CPLX1: variants seen among roughly 807,000 people sequenced by gnomAD.
CPLX1 encodes the protein complexin-1.
In CPLX1, 6 loss-of-function variants were observed where a neutral mutation model predicts 15.6. The observed-to-expected ratio is 0.39, with a 90% CI of 0.21 to 0.76. The LOEUF (loss-of-function observed/expected upper bound fraction) is 0.76. CPLX1 is among the 30% of genes least tolerant of loss of function. The pLI, the probability that CPLX1 is intolerant of heterozygous loss-of-function variation, is 0.43. For missense variants in CPLX1, 242 were observed against 188.6 expected (o/e 1.28, Z -1.66); for synonymous variants, 91 against 75.2 (o/e 1.21, Z -1.08).
intron 3 of CPLX1, 37 bp downstream of exon 3, chr4:792,396 G>C (rs767345763): frequency 6.7e-7 from 1 of 1,488,330 alleles, no homozygotes; most frequent in East Asian, 2.5e-5. Context: ...TGGACTCAGG[G>C]CCGCCTTCCC....
intron 2 of CPLX1, among the ~76,000 whole-genome samples, chr4:819,415 G>A (rs554372348): frequency 6.6e-6 from 1 of 152,360 alleles, no homozygotes; most frequent in East Asian, 1.9e-4. Flanking sequence ...GGGATAAGAG[G>A]CATCTCTGCC....
At chr4:808,443 G>C (rs963166422) in intron 2 of CPLX1, among the ~76,000 whole-genome samples, 2 of 152,108 alleles carry the variant, frequency 1.3e-5, no homozygotes, top group Non-Finnish European at 1.5e-5. Flanking sequence ...CACGCTCCCG[G>C]CAAGCCCAGG....
At chr4:797,387 G>A (rs1746362512) in intron 2 of CPLX1, among the ~76,000 whole-genome samples, 1 of 152,186 alleles carries the variant, frequency 6.6e-6, no homozygotes, top group Non-Finnish European at 1.5e-5. Flanking sequence ...GAGTGCAGTG[G>A]CAGGATCTCA....
Position 786,608 on chromosome 4 carries a change from CCTT to C in CPLX1, c.295_297del (p.Lys99del). The C allele has an allele frequency of 6.2e-7, 1 of 1,612,602 alleles. No homozygotes were observed. Among genetic ancestry groups the C allele is most frequent in the Non-Finnish European group, 8.5e-7 (1 of 1,179,454 alleles). ...TCGTCCCCGCAGCCCGGCGGGATGG[CCTT>C]CTTGGGCCGCGTCAAGCTCCCCTCG... On this transcript the variant is annotated inframe_deletion, in exon 4 of 4. Coordinates refer to ENST00000304062, the MANE Select transcript of CPLX1 (RefSeq NM_006651.4).
intron 2 of CPLX1, among the ~76,000 whole-genome samples, chr4:815,410 CAAAAAAAAAAA>C (rs71166897): frequency 2.1e-5 from 2 of 93,340 alleles, no homozygotes; most frequent in African/African-American, 8.3e-5. Context: ...GACTCCGTCT[CAAAAAAAAAAA>C]AAAAAAAAAG....
intron 2 of CPLX1, among the ~76,000 whole-genome samples, chr4:806,652 AG>A (rs1281533042): frequency 6.6e-6 from 1 of 152,240 alleles, no homozygotes; most frequent in Non-Finnish European, 1.5e-5. Flanking sequence ...CATCTGACAA[AG>A]GTCTAATGTC....
chr4:806,207 G>A (rs780704029), intron 2 of CPLX1, among the ~76,000 whole-genome samples: 6 of 152,054 alleles, frequency 3.9e-5, no homozygotes, highest in African/African-American at 9.7e-5. Flanking sequence ...AAACAGACAC[G>A]TAGACCAATG....
chr4:811,686 G>A (rs1226549507), intron 2 of CPLX1, among the ~76,000 whole-genome samples: 1 of 152,230 alleles, frequency 6.6e-6, no homozygotes, highest in Non-Finnish European at 1.5e-5. Flanking sequence ...AAAGAAGAAG[G>A]ACTACTCTGC....
intron 2 of CPLX1, among the ~76,000 whole-genome samples, chr4:798,315 A>G (rs1286599300): frequency 6.6e-6 from 1 of 151,616 alleles, no homozygotes; most frequent in African/African-American, 2.4e-5. Context: ...AGATCAATGG[A>G]AAGTATAGAA....
intron 3 of CPLX1, among the ~76,000 whole-genome samples, chr4:791,384 G>A (rs1746171198): frequency 6.6e-6 from 1 of 152,190 alleles, no homozygotes; most frequent in Non-Finnish European, 1.5e-5. Flanking sequence ...GAGGGTGTGG[G>A]GAGAATCCGT....
intron 2 of CPLX1, among the ~76,000 whole-genome samples, chr4:803,500 C>T (rs1323111975): frequency 6.6e-6 from 1 of 152,200 alleles, no homozygotes; most frequent in Non-Finnish European, 1.5e-5. Context: ...ACGCCATTCT[C>T]CCGCCTCAGC....
At chr4:816,292 C>T (rs1746755074) in intron 2 of CPLX1, among the ~76,000 whole-genome samples, 1 of 147,542 alleles carries the variant, frequency 6.8e-6, no homozygotes, top group Non-Finnish European at 1.5e-5. Context: ...AGTCTCGGCT[C>T]ACTGCAACTT....
In CPLX1 at chr4:786,274, T is replaced by G; in HGVS notation, c.*227A>C. The G allele has an allele frequency of 3.4e-5, 13 of 384,696 alleles. No individual in the cohort carries two copies. Among genetic ancestry groups the G allele is most frequent in the Admixed American group, 4.6e-5 (1 of 21,710 alleles). The allele number at this position is 384,696 out of a possible 1,614,324, so 23.8% of individuals were successfully genotyped here. On this transcript the variant is annotated 3_prime_UTR_variant, in exon 4 of 4. Transcript: ENST00000304062. ...CAAGAGAAAGGGGCGTCCCAGGCGA[T>G]GGGGCTCCAGCCACCCGCGGGCAGA...
intron 2 of CPLX1, among the ~76,000 whole-genome samples, chr4:813,682 G>C (rs1010794957): frequency 2.0e-5 from 3 of 152,154 alleles, no homozygotes; most frequent in African/African-American, 7.2e-5. Flanking sequence ...GCACCCTACA[G>C]AGCCCTCACT....
chr4:825,321 A>C (rs1746957445), intron 1 of CPLX1, among the ~76,000 whole-genome samples: 1 of 152,210 alleles, frequency 6.6e-6, no homozygotes, highest in Non-Finnish European at 1.5e-5. Flanking sequence ...CTATCGGGGA[A>C]CCCCAGGTCC....
Position 803,452 on chromosome 4 carries a change from G to T in CPLX1, c.32-10844C>A, listed in dbSNP as rs1425763661. ...GTCGCCCAGGCTGGTGTACAGTGGC[G>T]CCATCTCGGGTCACTGCAAGCTCCG... On this transcript the variant is annotated intron_variant, in intron 2 of 3. Coordinates refer to ENST00000304062, the MANE Select transcript of CPLX1 (RefSeq NM_006651.4). Among the ~76,000 whole-genome samples the T allele has an allele frequency of 2.0e-5, 3 of 152,154 alleles. No individual in the cohort carries two copies. In the East Asian group the frequency reaches 5.8e-4, roughly 29 times the overall value.
At position 786,707 on chromosome 4, in the gene CPLX1, G is replaced by A. The variant is rs1236361727; in HGVS notation, c.208-9C>T. 7 of 1,585,500 alleles carry A rather than the reference G, an allele frequency of 4.4e-6. No homozygotes were observed. The highest frequency in any genetic ancestry group is 2.3e-5 in the East Asian group (1 of 43,810). ...TTCTTCTTGATGCCGTACTGCGGGG[G>A]AGGCGGGGGTCAGGGCGGGGGTCCC... On this transcript the variant is annotated splice_polypyrimidine_tract_variant and intron_variant, in intron 3 of 3. Coordinates refer to ENST00000304062, the MANE Select transcript of CPLX1 (RefSeq NM_006651.4).
At chr4:822,003 G>T (rs955434029) in intron 2 of CPLX1, among the ~76,000 whole-genome samples, 3 of 152,180 alleles carry the variant, frequency 2.0e-5, no homozygotes, top group South Asian at 2.1e-4. Flanking sequence ...GGGCGTGCAC[G>T]TGTGCATGTG....
intron 2 of CPLX1, among the ~76,000 whole-genome samples, chr4:820,193 CCCGGACCCAG>C (rs1746835274): frequency 6.6e-6 from 1 of 151,758 alleles, no homozygotes; most frequent in African/African-American, 2.4e-5. Flanking sequence ...CCACCGTCCT[CCCGGACCCAG>C]CTCAGCCCAG....
Sources: allele counts gnomAD v4.1 joint callset (sites outside exome capture counted in the v4.1 genomes callset), GRCh38; gene constraint gnomAD v4.1.1; transcripts MANE v1.5; gene names NCBI Gene and HGNC (gene_info 2026-07-23, HGNC 2026-07-21).